Variants in DLGAP2 observed in about 807,000 individuals in gnomAD.
The protein encoded by DLGAP2 is disks large-associated protein 2.
Under a neutral mutation model 100.3 loss-of-function variants are expected in DLGAP2, and 26 were observed. That is an observed-to-expected ratio of 0.26 (90% CI 0.19 to 0.36). DLGAP2 has a LOEUF of 0.36. DLGAP2 is among the 10% of genes least tolerant of loss of function. The pLI, the probability that DLGAP2 is intolerant of heterozygous loss-of-function variation, is 1.00. For synonymous variants in DLGAP2, 886 were observed against 630.1 expected, an observed-to-expected ratio of 1.41 and a Z score of -6.08; for missense variants, 1,858 against 1,453.2, an observed-to-expected ratio of 1.28 and a Z score of -4.53.
chr8:1,231,463 G>C (rs7460360), intron 2 of DLGAP2, among the ~76,000 whole-genome samples: 87,908 of 152,038 alleles, frequency 0.58, 27,042 homozygotes, highest in African/African-American at 0.78. Flanking sequence ...ACTGTTTGAC[G>C]CAGCAATCCC....
At chr8:1,079,839 T>G (rs1803744025) in intron 2 of DLGAP2, among the ~76,000 whole-genome samples, 1 of 152,128 alleles carries the variant, frequency 6.6e-6, no homozygotes, top group South Asian at 2.1e-4. Context: ...GAAACGTCAG[T>G]GAGGATTTCA....
intron 4 of DLGAP2, among the ~76,000 whole-genome samples, chr8:1,516,707 GTGAC>G (rs1800405506): frequency 6.6e-6 from 1 of 152,040 alleles, no homozygotes; most frequent in African/African-American, 2.4e-5. Flanking sequence ...GAATGAGTGG[GTGAC>G]TGAGTGAAAG....
intron 1 of DLGAP2, among the ~76,000 whole-genome samples, chr8:781,195 CTA>C (rs1366910871): frequency 1.3e-5 from 2 of 152,016 alleles, no homozygotes; most frequent in African/African-American, 4.8e-5. Context: ...TTAGTAAGGA[CTA>C]TATTGCTCGG....
At position 1,694,462 on chromosome 8, in the gene DLGAP2, G is replaced by C. The variant is rs116698086; in HGVS notation, c.2797-2685G>C. 8.9e-3 allele frequency among the ~76,000 whole-genome samples: 1,352 copies of C among 152,324 alleles called. 27 individuals carry two copies. Among genetic ancestry groups the C allele is most frequent in the African/African-American group, 0.031 (1,293 of 41,566 alleles). On this transcript the variant is annotated intron_variant, in intron 13 of 14. Transcript: ENST00000637795. ...CGGAGCCTTTCGGGACGGACCGCGGGGGGCAGAGCCTCTCAGGGTCGGGAT... is the reference window on the plus strand; with the variant it reads ...CGGAGCCTTTCGGGACGGACCGCGGCGGGCAGAGCCTCTCAGGGTCGGGAT...
In DLGAP2 at chr8:1,334,422, T is replaced by C. The variant is rs570793174; in HGVS notation, c.106+75539T>C. On this transcript the variant is annotated intron_variant, in intron 3 of 14. Transcript: ENST00000637795. ...AATGGTGGATATGTCAAGGAGTCGG[T>C]GAATTTTCTGTAAATATGTGCTGTG... Among the ~76,000 whole-genome samples, 109 of 152,178 alleles carry C rather than the reference T, an allele frequency of 7.2e-4. 1 individual carries two copies. The highest frequency in any genetic ancestry group is 2.5e-3 in the African/African-American group (103 of 41,544).
intron 5 of DLGAP2, among the ~76,000 whole-genome samples, chr8:1,551,379 G>A (rs547250395): frequency 2.5e-4 from 38 of 152,214 alleles, no homozygotes; most frequent in African/African-American, 8.9e-4. Context: ...CCCTGAATGA[G>A]CACTTCAGGA....
chr8:1,305,751 A>C (rs553682862), intron 3 of DLGAP2, among the ~76,000 whole-genome samples: 1 of 152,346 alleles, frequency 6.6e-6, no homozygotes, highest in African/African-American at 2.4e-5. Context: ...AAGCTGGGAG[A>C]GTTCCTTCAG....
At chr8:1,192,059 G>C (rs57698762) in intron 2 of DLGAP2, among the ~76,000 whole-genome samples, 7,846 of 152,212 alleles carry the variant, frequency 0.052, 530 homozygotes, top group African/African-American at 0.16. Context: ...CAGCCTCCCA[G>C]GGCTCTCTGA....
At chr8:1,257,096 A>C (rs1563045496) in intron 2 of DLGAP2, among the ~76,000 whole-genome samples, 1 of 151,678 alleles carries the variant, frequency 6.6e-6, no homozygotes, top group Non-Finnish European at 1.5e-5. Flanking sequence ...AGATGTGTCC[A>C]CCCCGAGGCG....
chr8:1,668,766 G>A, intron 9 of DLGAP2, 88 bp downstream of exon 9: 2 of 1,251,208 alleles, frequency 1.6e-6, no homozygotes, highest in South Asian at 3.1e-5. Context: ...CAGCGGCCCT[G>A]GGTCCTTAGC....
chr8:997,348 T>C (rs1800810094), intron 2 of DLGAP2, among the ~76,000 whole-genome samples: 1 of 152,238 alleles, frequency 6.6e-6, no homozygotes, highest in African/African-American at 2.4e-5. Flanking sequence ...CCCGGATCAT[T>C]TTACTTGATA....
At chr8:1,586,373 A>C (rs1204430569) in intron 6 of DLGAP2, among the ~76,000 whole-genome samples, 1 of 152,202 alleles carries the variant, frequency 6.6e-6, no homozygotes, top group African/African-American at 2.4e-5. Flanking sequence ...CCCTGCCTGC[A>C]TCTTCAGAGC....
intron 1 of DLGAP2, among the ~76,000 whole-genome samples, chr8:843,120 A>G (rs1469373086): frequency 1.3e-5 from 2 of 152,168 alleles, no homozygotes; most frequent in Non-Finnish European, 1.5e-5. Flanking sequence ...GACCAGGATG[A>G]TAGCTTTCTG....
chr8:1,166,432 C>G (rs921935312), intron 2 of DLGAP2, among the ~76,000 whole-genome samples: 25 of 152,354 alleles, frequency 1.6e-4, no homozygotes, highest in African/African-American at 5.8e-4. Context: ...CTCTTACCCT[C>G]TGTTCGTCTC....
chr8:1,177,464 A>C (rs1449674493), intron 2 of DLGAP2, among the ~76,000 whole-genome samples: 1 of 152,070 alleles, frequency 6.6e-6, no homozygotes, highest in East Asian at 1.9e-4. Flanking sequence ...GAGCAGATGC[A>C]CGAGACCCGA....
chr8:1,017,487 G>A (rs74714566), intron 2 of DLGAP2, among the ~76,000 whole-genome samples: 94 of 28,184 alleles, frequency 3.3e-3, no homozygotes, highest in East Asian at 7.8e-3. Context: ...AGGACAGACG[G>A]CGCCTCCACT....
At chr8:832,492 A>C (rs1471749407) in intron 1 of DLGAP2, among the ~76,000 whole-genome samples, 1 of 152,208 alleles carries the variant, frequency 6.6e-6, no homozygotes, top group African/African-American at 2.4e-5. Flanking sequence ...TGTATCTGTA[A>C]GTCAAGGCTC....
intron 2 of DLGAP2, among the ~76,000 whole-genome samples, chr8:1,009,071 C>T (rs1457857562): frequency 6.6e-6 from 1 of 152,188 alleles, no homozygotes; most frequent in African/African-American, 2.4e-5. Context: ...TGATGGGGGG[C>T]AGGCAGGAGT....
At chr8:1,017,048 G>GTA (rs1479819058) in intron 2 of DLGAP2, among the ~76,000 whole-genome samples, 1 of 11,198 alleles carries the variant, frequency 8.9e-5, no homozygotes, top group African/African-American at 7.0e-4. Context: ...TCCACTGTGT[G>GTA]TGACCAGGAC....
Sources: gnomAD v4.1 joint callset for allele counts (sites outside exome capture counted in the v4.1 genomes callset) on GRCh38, gnomAD v4.1.1 for gene constraint, MANE v1.5 for transcripts, NCBI Gene and HGNC (gene_info 2026-07-23, HGNC 2026-07-21) for gene names.